TSHZ3: variants seen among roughly 807,000 people sequenced by gnomAD.
TSHZ3 encodes teashirt zinc finger homeobox 3.
In TSHZ3, 10 loss-of-function variants were observed where a neutral mutation model predicts 64.5. The ratio of observed to expected loss-of-function variants is 0.16; its 90% CI spans 0.10 to 0.26. The LOEUF is 0.26. TSHZ3 is among the 10% of genes least tolerant of loss of function. TSHZ3 has a pLI of 1.00. For synonymous variants in TSHZ3, 608 were observed against 593.1 expected (o/e 1.03, Z -0.36); for missense variants, 1,242 against 1,421.7 (o/e 0.87, Z 2.03).
chr19:31,239,008 A>G (rs549673035), intron 3 of TSHZ3, among the ~76,000 whole-genome samples: 1 of 152,200 alleles, frequency 6.6e-6, no homozygotes, highest in Non-Finnish European at 1.5e-5. Flanking sequence ...TATCTAATAC[A>G]TCTTCTCTTT....
Position 31,339,808 on chromosome 19 carries a change from G to C in TSHZ3, c.40+9372C>G, listed in dbSNP as rs965067407. 1.1e-4 allele frequency among the ~76,000 whole-genome samples: 17 copies of C among 150,860 alleles called. No individual in the cohort carries two copies. In the East Asian group the frequency reaches 2.3e-3, roughly 21 times the overall value. ...CCATGGCAAAAAGGAAAAAAAAAAGGGGGGGGCGTTCTGCTGCTGATACCT... is the reference window on the plus strand; with the variant it reads ...CCATGGCAAAAAGGAAAAAAAAAAGCGGGGGGCGTTCTGCTGCTGATACCT... On this transcript the variant is annotated intron_variant, in intron 1 of 1. Transcript: ENST00000240587.
chr19:31,209,576 G>A (rs1975234108), intron 4 of TSHZ3, among the ~76,000 whole-genome samples: 1 of 152,044 alleles, frequency 6.6e-6, no homozygotes, highest in Non-Finnish European at 1.5e-5. Context: ...CAGGCACTGA[G>A]AAGGTGTTCA....
intron 1 of TSHZ3, among the ~76,000 whole-genome samples, chr19:31,284,133 G>A (rs1246299959): frequency 6.6e-6 from 1 of 152,094 alleles, no homozygotes; most frequent in Admixed American, 6.5e-5. Flanking sequence ...CTCTAAGGGA[G>A]GGAACCTTAC....
chr19:31,302,108 C>T (rs1313612451), intron 1 of TSHZ3, among the ~76,000 whole-genome samples: 7 of 152,290 alleles, frequency 4.6e-5, no homozygotes, highest in South Asian at 4.1e-4. Context: ...CCCAGCACCA[C>T]CTTAATGTGG....
intron 1 of TSHZ3, among the ~76,000 whole-genome samples, chr19:31,316,301 T>G (rs1001094498): frequency 1.3e-5 from 2 of 152,202 alleles, no homozygotes; most frequent in South Asian, 2.1e-4. Flanking sequence ...AACTCCATTG[T>G]GTTTTCTGCA....
At chr19:31,151,431 C>G (rs1974237158) in exon 7 of TSHZ3, among the ~76,000 whole-genome samples, 1 of 152,130 alleles carries the variant, frequency 6.6e-6, no homozygotes, top group East Asian at 1.9e-4. Flanking sequence ...GTAGAGAGAC[C>G]TGGCCTGATC....
chr19:31,177,204 G>A (rs996409060), intron 5 of TSHZ3, among the ~76,000 whole-genome samples: 1 of 152,188 alleles, frequency 6.6e-6, no homozygotes, highest in Non-Finnish European at 1.5e-5. Flanking sequence ...ATGGACCATG[G>A]CGCCTTCATA....
intron 4 of TSHZ3, among the ~76,000 whole-genome samples, chr19:31,216,555 TCTC>T (rs1975334008): frequency 6.6e-6 from 1 of 151,892 alleles, no homozygotes; most frequent in African/African-American, 2.4e-5. Context: ...CTCAAGCAGT[TCTC>T]CTGCCTCAGC....
intron 5 of TSHZ3, among the ~76,000 whole-genome samples, chr19:31,174,748 G>A (rs945393011): frequency 3.9e-5 from 6 of 152,182 alleles, no homozygotes; most frequent in Non-Finnish European, 7.3e-5. Context: ...GAATTTTGCT[G>A]AGGCAAGGTG....
In TSHZ3 at chr19:31,295,396, G is replaced by T. The variant is rs575490912; in HGVS notation, c.41-15644C>A. Among the ~76,000 whole-genome samples the T allele has an allele frequency of 3.3e-5, 5 of 152,314 alleles. No individual in the cohort carries two copies. The East Asian group carries it at 7.7e-4, about 24-fold the overall frequency. ...GCTATTCACAACAGCAAAGCAACTG[G>T]AAAGGATTCAAATGTCTACCACCAG... On this transcript the variant is annotated intron_variant, in intron 1 of 1. Transcript: ENST00000240587.
intron 1 of TSHZ3, among the ~76,000 whole-genome samples, chr19:31,295,960 T>G (rs562616464): frequency 6.9e-6 from 1 of 145,010 alleles, no homozygotes; most frequent in South Asian, 2.4e-4. Context: ...TAGGCCCCAG[T>G]GTCCACTGTT....
intron 1 of TSHZ3, among the ~76,000 whole-genome samples, chr19:31,289,744 C>T (rs1976530949): frequency 6.6e-6 from 1 of 152,100 alleles, no homozygotes; most frequent in Admixed American, 6.5e-5. Flanking sequence ...TCCCTGTAGC[C>T]CCTAGCCCCC....
intron 1 of TSHZ3, among the ~76,000 whole-genome samples, chr19:31,321,463 T>C (rs866558913): frequency 6.6e-6 from 1 of 152,222 alleles, no homozygotes; most frequent in Non-Finnish European, 1.5e-5. Flanking sequence ...GCAAGTGCAT[T>C]TCTGGTTACT....
chr19:31,176,454 C>A (rs1451824899), intron 5 of TSHZ3, among the ~76,000 whole-genome samples: 1 of 152,134 alleles, frequency 6.6e-6, no homozygotes, highest in African/African-American at 2.4e-5. Flanking sequence ...ACCCATGAAC[C>A]TATGAAAATC....
chr19:31,267,545 C>G (rs927483156), intron 1 of TSHZ3, among the ~76,000 whole-genome samples: 1 of 152,154 alleles, frequency 6.6e-6, no homozygotes, highest in Non-Finnish European at 1.5e-5. Flanking sequence ...TCCTTCTTTC[C>G]CCTGCCCCCA....
At chr19:31,262,904 GA>G (rs1975998647) in intron 1 of TSHZ3, among the ~76,000 whole-genome samples, 1 of 152,228 alleles carries the variant, frequency 6.6e-6, no homozygotes, top group Non-Finnish European at 1.5e-5. Context: ...ACTCGGACAA[GA>G]GCTGATGGAC....
intron 3 of TSHZ3, among the ~76,000 whole-genome samples, chr19:31,240,008 T>G (rs1238799799): frequency 6.6e-6 from 1 of 152,218 alleles, no homozygotes; most frequent in Non-Finnish European, 1.5e-5. Context: ...CTCTGATTAT[T>G]TATTTTACAT....
intron 5 of TSHZ3, among the ~76,000 whole-genome samples, chr19:31,186,908 C>T (rs75880881): frequency 2.8e-3 from 416 of 150,930 alleles, no homozygotes; most frequent in African/African-American, 9.3e-3. Context: ...CTTATTCTTA[C>T]TGAGTTGTAT....
chr19:31,228,578 T>C (rs1975501949), intron 3 of TSHZ3, among the ~76,000 whole-genome samples: 1 of 149,876 alleles, frequency 6.7e-6, no homozygotes, highest in African/African-American at 2.5e-5. Context: ...TTCCCAAGAA[T>C]ATGTGTCTTA....
Sources: allele counts gnomAD v4.1 joint callset (sites outside exome capture counted in the v4.1 genomes callset), GRCh38; gene constraint gnomAD v4.1.1; transcripts MANE v1.5; gene names NCBI Gene and HGNC (gene_info 2026-07-23, HGNC 2026-07-21).